Variants in ADGRE3 observed in about 807,000 individuals in gnomAD.
ADGRE3 encodes adhesion G protein-coupled receptor E3.
Under a neutral mutation model 80.1 loss-of-function variants are expected in ADGRE3, and 88 were observed. The ratio of observed to expected loss-of-function variants is 1.10; its 90% CI spans 0.93 to 1.31. The LOEUF (loss-of-function observed/expected upper bound fraction) is 1.31. Among genes scored for constraint, ADGRE3 ranks in the 40% most tolerant of loss-of-function variants. The pLI is 0.00. For missense variants in ADGRE3, 715 were observed against 776.5 expected, an observed-to-expected ratio of 0.92 and a Z score of 0.94; for synonymous variants, 281 against 294.8, an observed-to-expected ratio of 0.95 and a Z score of 0.48.
intron 1 of ADGRE3, among the ~76,000 whole-genome samples, chr19:14,672,855 CT>C (rs932312050): frequency 4.6e-5 from 7 of 151,940 alleles, no homozygotes; most frequent in African/African-American, 1.7e-4. Flanking sequence ...CTCAAGCAAT[CT>C]TCCCGCCTTG....
intron 8 of ADGRE3, among the ~76,000 whole-genome samples, chr19:14,645,211 T>C (rs887687779): frequency 8.5e-5 from 13 of 152,122 alleles, no homozygotes; most frequent in African/African-American, 3.1e-4. Flanking sequence ...CAGTGGAGTC[T>C]GAAGCTCTCA....
chr19:14,668,509 A>G (rs1972164621), intron 2 of ADGRE3: 1 of 471,578 alleles, frequency 2.1e-6, no homozygotes, highest in South Asian at 4.5e-5. Flanking sequence ...TCTCCCCACT[A>G]GAATGTCTGC....
At chr19:14,643,145 T>C (rs1371980861) in intron 9 of ADGRE3, among the ~76,000 whole-genome samples, 2 of 55,068 alleles carry the variant, frequency 3.6e-5, no homozygotes, top group Non-Finnish European at 7.2e-5. Context: ...GTAATCATGG[T>C]TTTTTTTTTT....
At chr19:14,616,248 G>C (rs953667797), downstream of ADGRE3, among the ~76,000 whole-genome samples, 1 of 152,076 alleles carries the variant, frequency 6.6e-6, no homozygotes, top group Non-Finnish European at 1.5e-5. Context: ...AGGATTACAG[G>C]TGTGAGCCAC....
chr19:14,629,813 A>C (rs908929428), intron 14 of ADGRE3, among the ~76,000 whole-genome samples: 1 of 152,174 alleles, frequency 6.6e-6, no homozygotes, highest in African/African-American at 2.4e-5. Context: ...AGAAAAAGGC[A>C]TGATTTTTTT....
At chr19:14,620,535 TTTTATATATATATTA>T (rs1369759347) in intron 15 of ADGRE3, among the ~76,000 whole-genome samples, 1 of 16,862 alleles carries the variant, frequency 5.9e-5, no homozygotes, top group African/African-American at 3.6e-4. Context: ...AATATATATA[TTTTATATATATATTA>T]TATATATATA....
chr19:14,668,543 T>C, intron 2 of ADGRE3: 1 of 489,286 alleles, frequency 2.0e-6, no homozygotes, highest in South Asian at 3.9e-5. Flanking sequence ...GTGTGTTTTA[T>C]TTTCTGTTCT....
At chr19:14,654,453 G>A (rs975286939) in intron 6 of ADGRE3, among the ~76,000 whole-genome samples, 1 of 150,618 alleles carries the variant, frequency 6.6e-6, no homozygotes, top group African/African-American at 2.4e-5. Flanking sequence ...TTAAAGAGAT[G>A]GGGGTCTTGC....
At chr19:14,620,537 T>TAA (rs1415988959) in intron 15 of ADGRE3, among the ~76,000 whole-genome samples, 962 of 18,254 alleles carry the variant, frequency 0.053, 43 homozygotes, top group Non-Finnish European at 0.064. Flanking sequence ...TATATATATT[T>TAA]TATATATATA....
intron 8 of ADGRE3, among the ~76,000 whole-genome samples, chr19:14,645,761 C>T (rs528164121): frequency 1.3e-5 from 2 of 152,108 alleles, no homozygotes; most frequent in Admixed American, 1.3e-4. Context: ...TGCTTGAGGC[C>T]AGGAGTTTGA....
chr19:14,627,763 T>A (rs565253831), intron 14 of ADGRE3, among the ~76,000 whole-genome samples: 1 of 152,292 alleles, frequency 6.6e-6, no homozygotes, highest in East Asian at 1.9e-4. Flanking sequence ...CACAGACTAC[T>A]GTTCAGTTGC....
chr19:14,616,620 G>A (rs927171098), downstream of ADGRE3, among the ~76,000 whole-genome samples: 3 of 151,620 alleles, frequency 2.0e-5, no homozygotes, highest in South Asian at 2.1e-4. Context: ...TTGACCCAGC[G>A]GTCAAGTTTG....
At chr19:14,601,454 A>G in the ADGRE3 span, among the ~76,000 whole-genome samples, 1 of 152,214 alleles carries the variant, frequency 6.6e-6, no homozygotes, top group Non-Finnish European at 1.5e-5. Flanking sequence ...CTATTTGTAC[A>G]CAATATGTAT....
rs796166536 is a variant in ADGRE3, at chr19:14,636,004, T to TACCTTC, written c.1484+2100_1484+2101insGAAGGT. Among the ~76,000 whole-genome samples the TACCTTC allele has an allele frequency of 7.5e-4, 56 of 74,298 alleles. 3 individuals are homozygous for TACCTTC. The highest frequency in any genetic ancestry group is 1.3e-3 in the East Asian group (4 of 3,056). 48.7% of individuals were successfully genotyped at this position (74,298 alleles called of 152,430 possible). A position where few individuals can be genotyped will look rare whatever the true frequency, so the allele number is the denominator to read the frequency against. ...TAAAGCTCTCCTTTCTCTCTCTTTC[T>TACCTTC]CTTTCTTTCTTCCTTCCTTCCTTCC... On this transcript the variant is annotated intron_variant, in intron 11 of 15. Coordinates refer to ENST00000253673, the MANE Select transcript of ADGRE3 (RefSeq NM_032571.5).
intron 15 of ADGRE3, among the ~76,000 whole-genome samples, chr19:14,624,081 A>G (rs1359789433): frequency 2.1e-5 from 3 of 145,354 alleles, no homozygotes; most frequent in Non-Finnish European, 1.5e-5. Flanking sequence ...CTACAACGCC[A>G]CCACACCTGG....
intron 11 of ADGRE3, among the ~76,000 whole-genome samples, chr19:14,636,607 A>G (rs1971098494): frequency 6.6e-6 from 1 of 152,142 alleles, no homozygotes; most frequent in Admixed American, 6.6e-5. Context: ...TTATAAAAAT[A>G]ATCAGAGAAG....
chr19:14,645,555 A>G (rs1386837244), intron 8 of ADGRE3, among the ~76,000 whole-genome samples: 1 of 152,030 alleles, frequency 6.6e-6, no homozygotes, highest in Admixed American at 6.6e-5. Context: ...GCTACTTGGG[A>G]GGCTGAGGCA....
At chr19:14,611,054 C>T in the ADGRE3 span, 15 of 150,102 alleles carry the variant, frequency 1.0e-4, no homozygotes, top group African/African-American at 3.4e-4. Context: ...AAAAATTTCC[C>T]TTTGAGCTAG....
At chr19:14,613,205 C>T in the ADGRE3 span, among the ~76,000 whole-genome samples, 1 of 151,114 alleles carries the variant, frequency 6.6e-6, no homozygotes, top group Non-Finnish European at 1.5e-5. Context: ...AGATTACAGG[C>T]GTGAGCCACC....
Sources: allele counts gnomAD v4.1 joint callset (sites outside exome capture counted in the v4.1 genomes callset), GRCh38; gene constraint gnomAD v4.1.1; transcripts MANE v1.5; gene names NCBI Gene and HGNC (gene_info 2026-07-23, HGNC 2026-07-21).